The following HOMER3 variants were observed in gnomAD, a reference collection of about 807,000 sequenced individuals.
The protein encoded by HOMER3 is homer protein homolog 3.
A neutral mutation model predicts 45.5 loss-of-function variants in HOMER3; 34 were observed. The observed-to-expected ratio is 0.75, with a 90% CI of 0.57 to 1.00. HOMER3 has a LOEUF of 1.00. HOMER3 is among the 50% of genes least tolerant of loss of function. The pLI is 0.00. For synonymous variants in HOMER3, 223 were observed against 208.8 expected (o/e 1.07, Z -0.58); for missense variants, 480 against 497.5 (o/e 0.96, Z 0.33).
At chr19:18,931,449 C>A (rs1482265084) in intron 8 of HOMER3, 38 bp from the exon 9 acceptor site, 1 of 1,612,848 alleles carries the variant, frequency 6.2e-7, no homozygotes, top group Non-Finnish European at 8.5e-7. Context: ...TTGCGGGGGT[C>A]CTGGCTTTCC....
intron 6 of HOMER3, 39 bp downstream of exon 6, chr19:18,932,885 A>AACCCCCCCCCCCCCC: frequency 8.7e-6 from 6 of 687,532 alleles, no homozygotes; most frequent in Non-Finnish European, 1.3e-5. Flanking sequence ...CCCCACCCCT[A>AACCCCCCCCCCCCCC]CCCCCGCCCC....
intron 4 of HOMER3, 114 bp from the exon 5 acceptor site, chr19:18,934,524 CA>C: frequency 1.9e-6 from 1 of 525,092 alleles, no homozygotes; most frequent in Non-Finnish European, 3.3e-6. Context: ...CCTTATCACA[CA>C]CCTTGGAAGA....
At position 18,932,122 on chromosome 19, in the gene HOMER3, C is replaced by A; in HGVS notation, c.544G>T (p.Glu182Ter). ...KKMLSEGSVG[E>*]VQWEAEFFAL... ...AAAAACTCGGCCTCCCACTGTACCTCGCCCACGGAGCTGCAGAGACACGAG... is the reference window on the plus strand; with the variant it reads ...AAAAACTCGGCCTCCCACTGTACCTAGCCCACGGAGCTGCAGAGACACGAG... The change falls in exon 7 of 10, where the codon GAG becomes TAG. Residue 182 changes from glutamate to a stop codon, truncating the protein, a stop_gained. Coordinates refer to ENST00000392351, the MANE Select transcript of HOMER3 (RefSeq NM_004838.4). LOFTEE classifies it high-confidence loss of function. 1 of 1,562,428 alleles carries A rather than the reference C, an allele frequency of 6.4e-7. No individual in the cohort carries two copies. The highest frequency in any genetic ancestry group is 2.4e-5 in the East Asian group (1 of 41,600).
intron 4 of HOMER3, among the ~76,000 whole-genome samples, chr19:18,937,672 C>CAA (rs398034178): frequency 4.7e-4 from 30 of 64,252 alleles, no homozygotes; most frequent in East Asian, 1.1e-3. Flanking sequence ...GCATTATCTC[C>CAA]AAAAAAAAAA....
At position 18,931,610 on chromosome 19, in the gene HOMER3, C is replaced by T; in HGVS notation, c.706G>A (p.Ala236Thr). 1 of 1,609,556 alleles carries T rather than the reference C, an allele frequency of 6.2e-7. No homozygotes were observed. Among genetic ancestry groups the T allele is most frequent in the Non-Finnish European group, 8.5e-7 (1 of 1,178,262 alleles). ...RLRQRVAELE[A>T]QAASEVTPTG... is the part of the protein sequence containing the mutation. ...GGGGTCACCTCTGAAGCTGCCTGAG[C>T]CTCCAGCTCAGCCACCTGTAGGGCA... Residue 236 changes from alanine (A) to threonine (T), a missense_variant, in exon 8 of 10, where the codon GCT becomes ACT. Physicochemically the swap from Ala to Thr is moderately conservative, Grantham distance 58. Coordinates refer to ENST00000392351, the MANE Select transcript of HOMER3 (RefSeq NM_004838.4).
Position 18,929,569 on chromosome 19 carries a change from C to G in HOMER3, c.960G>C (p.Glu320Asp). The part of the protein sequence containing the change: ...QLRAMERSLE[E>D]ARAERERARA... ...GCGCCCGCTCCCGCTCTGCCCGTGC[C>G]TCCTCCAGGCTGCGCTCCATCGCCC... Residue 320 changes from glutamate (E) to aspartate (D), a missense_variant, in exon 10 of 10, where the codon GAG (glutamate) becomes GAC (aspartate). Glu to Asp is a conservative substitution (Grantham distance 45, BLOSUM62 2). Transcript: ENST00000392351. 6.5e-7 allele frequency: 1 copy of G among 1,548,654 alleles called. No individual in the cohort carries two copies. The highest frequency in any genetic ancestry group is 8.7e-7 in the Non-Finnish European group (1 of 1,147,500).
In HOMER3 at chr19:18,931,321, ACACCTG is replaced by A; in HGVS notation, c.892_894+3del. ...TCACCCCACCTCCTTGTGCCCACAC[ACACCTG>A]CACCTTCTGCTGAGTCTCCTCACGC... On this transcript the variant is annotated splice_donor_variant and splice_donor_region_variant and coding_sequence_variant and intron_variant, in exon 9 of 10. Coordinates refer to ENST00000392351, the MANE Select transcript of HOMER3 (RefSeq NM_004838.4). LOFTEE classifies it high-confidence loss of function. The A allele has an allele frequency of 6.2e-7, 1 of 1,613,512 alleles. No individual in the cohort carries two copies. The highest frequency in any genetic ancestry group is 8.5e-7 in the Non-Finnish European group (1 of 1,179,578).
chr19:18,935,153 G>GC (rs1227155292), intron 4 of HOMER3, among the ~76,000 whole-genome samples: 1 of 22,276 alleles, frequency 4.5e-5, no homozygotes. Context: ...TTTTTTTTTT[G>GC]GGGGGGGACA....
intron 1 of HOMER3, 42 bp from the exon 2 acceptor site, chr19:18,939,091 C>G (rs2145135338): frequency 3.5e-6 from 4 of 1,132,534 alleles, no homozygotes; most frequent in Non-Finnish European, 3.7e-6. Context: ...TCAGGCCAGG[C>G]TGAGGGAGGC....
chr19:18,931,315 CCACA>C lies in HOMER3; in HGVS notation c.894+6_894+9del. 1 of 1,612,500 alleles carries C rather than the reference CCACA, an allele frequency of 6.2e-7. No homozygotes were observed. Among genetic ancestry groups the C allele is most frequent in the African/African-American group, 1.3e-5 (1 of 75,038 alleles). On this transcript the variant is annotated splice_donor_region_variant and intron_variant, in intron 9 of 9. Coordinates refer to ENST00000392351, the MANE Select transcript of HOMER3 (RefSeq NM_004838.4). ...CCACCGTCACCCCACCTCCTTGTGC[CCACA>C]CACACCTGCACCTTCTGCTGAGTCT...
intron 4 of HOMER3, among the ~76,000 whole-genome samples, chr19:18,935,151 T>G (rs112381983): frequency 3.0e-4 from 40 of 131,574 alleles, no homozygotes; most frequent in African/African-American, 1.1e-3. Context: ...TTTTTTTTTT[T>G]TGGGGGGGGA....
At chr19:18,931,762 C>G in intron 7 of HOMER3, 137 bp from the exon 8 acceptor site, 2 of 1,474,704 alleles carry the variant, frequency 1.4e-6, no homozygotes, top group East Asian at 2.4e-5. Context: ...CCACCACCCC[C>G]CTCTGCACAG....
Position 18,932,981 on chromosome 19 carries a change from C to T in HOMER3, c.476G>A (p.Ser159Asn). Residue 159 changes from serine (S) to asparagine (N), a missense_variant, in exon 6 of 10, where the codon AGC (serine) becomes AAC (asparagine). Transcript: ENST00000392351. Reference sequence around the variant, plus strand: ...CTCTGTGGGGCCGGGGGCATCAGCGCTCTGGCTGCGGAACAGTTTTTCCTC... The same window carrying T: ...CTCTGTGGGGCCGGGGGCATCAGCGTTCTGGCTGCGGAACAGTTTTTCCTC... ...PGEEKLFRSQ[S>N]ADAPGPTERE... 4 of 1,469,092 alleles carry T rather than the reference C, an allele frequency of 2.7e-6. No individual in the cohort carries two copies. The highest frequency in any genetic ancestry group is 1.8e-6 in the Non-Finnish European group (2 of 1,112,056). 91.0% of individuals were successfully genotyped at this position (1,469,092 alleles called of 1,614,324 possible).
At chr19:18,933,455 G>A (rs1282339891) in intron 5 of HOMER3, among the ~76,000 whole-genome samples, 2 of 152,188 alleles carry the variant, frequency 1.3e-5, no homozygotes, top group Admixed American at 1.3e-4. Flanking sequence ...CGTGTTTCGT[G>A]AGCAACCCCA....
Position 18,938,709 on chromosome 19 carries a change from AC to A in HOMER3, c.171+18del. 1 of 940,946 alleles carries A rather than the reference AC, an allele frequency of 1.1e-6. No homozygotes were observed. The highest frequency in any genetic ancestry group is 1.6e-6 in the Non-Finnish European group (1 of 626,812). The allele number at this position is 940,946 out of a possible 1,614,324, so 58.3% of individuals were successfully genotyped here. A position where few individuals can be genotyped will look rare whatever the true frequency, so the allele number is the denominator to read the frequency against. On this transcript the variant is annotated intron_variant, in intron 3 of 9. Coordinates refer to ENST00000392351, the MANE Select transcript of HOMER3 (RefSeq NM_004838.4). ...CCAGGACTCCTGGTGCCTCTGCCCC[AC>A]CCAGACCCCACCCTGACCTTGGCGC...
intron 4 of HOMER3, 67 bp downstream of exon 4, chr19:18,938,286 T>C (rs1003559799): frequency 1.7e-5 from 26 of 1,526,494 alleles, no homozygotes; most frequent in Non-Finnish European, 2.7e-6. Flanking sequence ...GATCCCAGAG[T>C]GAGCCCAGGA....
chr19:18,934,181 A>G, intron 5 of HOMER3, 122 bp downstream of exon 5: 1 of 540,726 alleles, frequency 1.8e-6, no homozygotes, highest in South Asian at 2.8e-5. Flanking sequence ...ATCTGGAAGC[A>G]TTGGGTCTTG....
intron 9 of HOMER3, among the ~76,000 whole-genome samples, chr19:18,930,780 C>T (rs541455689): frequency 2.6e-5 from 4 of 152,060 alleles, no homozygotes; most frequent in African/African-American, 4.8e-5. Flanking sequence ...GAGGCCGAGG[C>T]GGGCAAATCA....
intron 6 of HOMER3, 80 bp downstream of exon 6, chr19:18,932,844 T>G: frequency 8.9e-7 from 1 of 1,123,274 alleles, no homozygotes; most frequent in Non-Finnish European, 1.2e-6. Context: ...GTCCTGGCAC[T>G]CCCTTGGCTT....
Sources: gnomAD v4.1 joint callset for allele counts (sites outside exome capture counted in the v4.1 genomes callset) on GRCh38, gnomAD v4.1.1 for gene constraint, MANE v1.5 for transcripts, NCBI Gene and HGNC (gene_info 2026-07-23, HGNC 2026-07-21) for gene names.